CASK: variants seen among roughly 807,000 people sequenced by gnomAD.
CASK encodes peripheral plasma membrane protein CASK.
CASK carries 4 observed loss-of-function variants against 82.9 expected under a neutral mutation model. That is an observed-to-expected ratio of 0.05 (90% CI 0.02 to 0.11). The LOEUF (loss-of-function observed/expected upper bound fraction) is 0.11, where lower values mean the gene tolerates loss of function less well. CASK is among the 10% of genes least tolerant of loss of function. CASK has a pLI of 1.00. For missense variants in CASK, 358 were observed against 720.9 expected (o/e 0.50, Z 5.76); for synonymous variants, 259 against 253.5 (o/e 1.02, Z -0.20).
chrX:41,710,081 TTGTGTGTGTG>T (rs57963407), intron 5 of CASK, among the ~76,000 whole-genome samples: 66 of 72,172 alleles, frequency 9.1e-4, no homozygotes, highest in African/African-American at 2.0e-3. Flanking sequence ...GGTATAGATT[TTGTGTGTGTG>T]TGTGTGTGTG....
At position 41,817,165 on chromosome X, in the gene CASK, C is replaced by T. The variant is rs769785388; in HGVS notation, c.173-29882G>A. 3.6e-5 allele frequency among the ~76,000 whole-genome samples: 4 copies of T among 111,992 alleles called. No individual in the cohort carries two copies. The East Asian group carries it at 1.1e-3, about 31-fold the overall frequency. ...TGCAGAAAAAGCATTTGACAAAATC[C>T]AACATCCATTCCTACTGAAAATTCT... On this transcript the variant is annotated intron_variant, in intron 2 of 26. Coordinates refer to ENST00000378163, the MANE Select transcript of CASK (RefSeq NM_001367721.1).
At chrX:41,723,471 A>G (rs776550409) in intron 5 of CASK, among the ~76,000 whole-genome samples, 3 of 112,251 alleles carry the variant, frequency 2.7e-5, no homozygotes, top group Non-Finnish European at 5.6e-5. Flanking sequence ...TGGTTTCACA[A>G]TTCTTTATAA....
At chrX:41,782,997 T>G (rs966693986) in intron 3 of CASK, among the ~76,000 whole-genome samples, 14 of 109,635 alleles carry the variant, frequency 1.3e-4, no homozygotes, top group African/African-American at 4.0e-4. Flanking sequence ...ATACAAAAAT[T>G]AGCCAGGCGT....
At chrX:41,703,922 GT>G (rs999642885) in intron 5 of CASK, among the ~76,000 whole-genome samples, 2 of 111,456 alleles carry the variant, frequency 1.8e-5, no homozygotes, top group African/African-American at 6.5e-5. Context: ...TCTCATTGTG[GT>G]TTTAATTTGC....
At chrX:41,778,365 G>C (rs1438330971) in intron 3 of CASK, among the ~76,000 whole-genome samples, 1 of 109,020 alleles carries the variant, frequency 9.2e-6, no homozygotes, top group African/African-American at 3.3e-5. Context: ...CGAGTAGCTA[G>C]GATTACAGGC....
intron 3 of CASK, among the ~76,000 whole-genome samples, chrX:41,783,550 A>C (rs755330138): frequency 1.4e-4 from 15 of 107,458 alleles, no homozygotes; most frequent in Non-Finnish European, 2.7e-4. Flanking sequence ...CTCTGTCTCA[A>C]AAAAAAAAAA....
intron 8 of CASK, among the ~76,000 whole-genome samples, chrX:41,647,556 T>C (rs1241006075): frequency 9.0e-6 from 1 of 111,340 alleles, no homozygotes; most frequent in Non-Finnish European, 1.9e-5. Context: ...CAAAGAATCC[T>C]GCGTCAAAAT....
chrX:41,618,298 G>C (rs1447535951), intron 11 of CASK, among the ~76,000 whole-genome samples: 1 of 111,484 alleles, frequency 9.0e-6, no homozygotes, highest in Non-Finnish European at 1.9e-5. Flanking sequence ...GTCTCTGCAG[G>C]CAAGTGTTTT....
At chrX:41,642,186 AAT>A (rs2066670088) in intron 8 of CASK, among the ~76,000 whole-genome samples, 1 of 111,415 alleles carries the variant, frequency 9.0e-6, no homozygotes, top group Non-Finnish European at 1.9e-5. Context: ...TGCTATTGTG[AAT>A]AGTGCTGTAA....
At chrX:41,616,002 A>G (rs766132055) in intron 11 of CASK, among the ~76,000 whole-genome samples, 4 of 111,671 alleles carry the variant, frequency 3.6e-5, no homozygotes, top group Non-Finnish European at 1.9e-5. Context: ...AGCAAAAACA[A>G]CCTTTTATCA....
chrX:41,854,612 T>A (rs930592960), intron 1 of CASK, among the ~76,000 whole-genome samples: 1 of 112,055 alleles, frequency 8.9e-6, no homozygotes, highest in African/African-American at 3.2e-5. Context: ...GGCCTTAAAG[T>A]TTTTCTTCTT....
chrX:41,663,175 TTC>T (rs1267505035), intron 7 of CASK, among the ~76,000 whole-genome samples: 1 of 111,776 alleles, frequency 8.9e-6, no homozygotes. Context: ...CATTATACTA[TTC>T]TCTCTACTAT....
In CASK at chrX:41,794,288, T is replaced by C. The variant is rs557063588; in HGVS notation, c.173-7005A>G. ...AAATTTTCTTAAATAGGCAAATGTG[T>C]ATTAATTAGAAATCAATCTTAGCTG... On this transcript the variant is annotated intron_variant, in intron 2 of 26. Transcript: ENST00000378163. 8.0e-5 allele frequency among the ~76,000 whole-genome samples: 9 copies of C among 112,648 alleles called. 1 individual carries two copies. The South Asian group carries it at 3.3e-3, about 41-fold the overall frequency.
intron 11 of CASK, among the ~76,000 whole-genome samples, chrX:41,615,711 C>A (rs1383589525): frequency 9.1e-6 from 1 of 109,857 alleles, no homozygotes; most frequent in East Asian, 2.8e-4. Flanking sequence ...CAGCTCACTG[C>A]AACCTCTGCC....
chrX:41,876,913 T>C (rs781121537), intron 1 of CASK, among the ~76,000 whole-genome samples: 2 of 111,581 alleles, frequency 1.8e-5, no homozygotes, highest in Non-Finnish European at 3.8e-5. Context: ...AAATAAACTA[T>C]TAGAGGCAGG....
chrX:41,758,018 T>C (rs1017263406), intron 3 of CASK, among the ~76,000 whole-genome samples: 2 of 112,346 alleles, frequency 1.8e-5, no homozygotes, highest in African/African-American at 6.5e-5. Flanking sequence ...TCCGTATTTG[T>C]GGGGGGATTA....
intron 1 of CASK, among the ~76,000 whole-genome samples, chrX:41,889,764 T>A (rs1350895542): frequency 2.7e-5 from 3 of 111,903 alleles, no homozygotes; most frequent in Non-Finnish European, 5.6e-5. Context: ...AGGCCATTCA[T>A]AGCCTTAAAG....
intron 2 of CASK, among the ~76,000 whole-genome samples, chrX:41,812,096 A>C (rs1269647326): frequency 1.3e-4 from 15 of 111,925 alleles, no homozygotes; most frequent in Non-Finnish European, 1.1e-4. Context: ...GGCAATAATT[A>C]ATAGCCTACC....
At chrX:41,853,266 T>G (rs2071300500) in intron 1 of CASK, 39 bp from the exon 2 acceptor site, 9 of 838,263 alleles carry the variant, frequency 1.1e-5, no homozygotes, top group Non-Finnish European at 1.6e-5. Flanking sequence ...ATTGATTCTC[T>G]TAAGTTCCTA....
Sources: gnomAD v4.1 joint callset for allele counts (sites outside exome capture counted in the v4.1 genomes callset) on GRCh38, gnomAD v4.1.1 for gene constraint, MANE v1.5 for transcripts, NCBI Gene and HGNC (gene_info 2026-07-23, HGNC 2026-07-21) for gene names.